Variants in PTH1R observed in about 807,000 individuals in gnomAD.
PTH1R encodes the protein parathyroid hormone/parathyroid hormone-related peptide receptor.
Under a neutral mutation model 70.7 loss-of-function variants are expected in PTH1R, and 32 were observed. The ratio of observed to expected loss-of-function variants is 0.45; its 90% confidence interval spans 0.34 to 0.61. The LOEUF is 0.61. PTH1R is among the 20% of genes least tolerant of loss of function. The pLI, the probability that PTH1R is intolerant of heterozygous loss-of-function variation, is 0.01. For synonymous variants in PTH1R, 329 were observed against 324.8 expected, an observed-to-expected ratio of 1.01 and a Z score of -0.14; for missense variants, 626 against 792.5, an observed-to-expected ratio of 0.79 and a Z score of 2.52.
rs1404381832 is a variant in PTH1R, at chr3:46,895,849, C to T, written c.293C>T (p.Pro98Leu). ...YPESEEDKEA[P>L]TGSRYRGRPC... ...GAGTCTGAGGAGGACAAGGAGGCAC[C>T]CACTGGCAGCAGGTACCGAGGTACG... Residue 98 changes from proline (P) to leucine (L), a missense_variant, in exon 5 of 16, where the codon CCC (proline) becomes CTC (leucine). This residue lies in a region of PTH1R where 8 missense variants were observed against 28.0 expected (regional missense o/e 0.29). Transcript: ENST00000449590. 1 of 1,613,350 alleles carries T rather than the reference C, an allele frequency of 6.2e-7. No homozygotes were observed. The highest frequency in any genetic ancestry group is 1.3e-5 in the African/African-American group (1 of 74,864).
rs1434322169 is a variant in PTH1R, at chr3:46,879,765, C to T, written c.-105-1297C>T. Among the ~76,000 whole-genome samples the T allele has an allele frequency of 6.7e-6, 1 of 149,892 alleles. No individual in the cohort carries two copies. The highest frequency in any genetic ancestry group is 6.6e-5 in the Admixed American group (1 of 15,098). On this transcript the variant is annotated intron_variant, in intron 1 of 15. Coordinates refer to ENST00000449590, the MANE Select transcript of PTH1R (RefSeq NM_000316.3). The surrounding 1 kb of genome is among the most constrained non-coding windows in gnomAD (Gnocchi z 4.7). ...CTGTCTGGGGAAAAAAAAAATGCTGCGTGTGGTGGCTCACGCTTGTAATCT... is the reference window on the plus strand; with the variant it reads ...CTGTCTGGGGAAAAAAAAAATGCTGTGTGTGGTGGCTCACGCTTGTAATCT...
chr3:46,895,982 G>T, intron 5 of PTH1R, 113 bp downstream of exon 5: 1 of 1,377,008 alleles, frequency 7.3e-7, no homozygotes, highest in Non-Finnish European at 1.0e-6. Context: ...AAAGTAAAAG[G>T]CTGCAGCCAC....
At chr3:46,897,751 AAAAC>A (rs2031836856) in intron 5 of PTH1R, 100 bp from the exon 6 acceptor site, 8 of 1,132,438 alleles carry the variant, frequency 7.1e-6, no homozygotes, top group South Asian at 3.9e-5. Context: ...AAACAAAACA[AAAAC>A]AAAAACAAAC....
At chr3:46,899,021 G>A (rs2031948502) in intron 9 of PTH1R, among the ~76,000 whole-genome samples, 164 bp downstream of exon 9, 1 of 152,130 alleles carries the variant, frequency 6.6e-6, no homozygotes, top group South Asian at 2.1e-4. Context: ...CCTCAGCTCT[G>A]CCGCCGACCC....
chr3:46,883,284 G>GCGCCCGCCCGC lies in PTH1R; in HGVS notation c.-48-217_-48-207dup, dbSNP rs1322487749. 2 of 277,766 alleles carry GCGCCCGCCCGC rather than the reference G, an allele frequency of 7.2e-6. No homozygotes were observed. Among genetic ancestry groups the GCGCCCGCCCGC allele is most frequent in the African/African-American group, 2.2e-5 (1 of 44,672 alleles). The allele number at this position is 277,766 out of a possible 1,614,324, so 17.2% of individuals were successfully genotyped here. ...CAGACGGGCCGCTCCGCAGCGCTCG[G>GCGCCCGCCCGC]CGCCCGCCCGCCGCCCGCCCGGCCT... On this transcript the variant is annotated intron_variant, in intron 2 of 15. Transcript: ENST00000449590. This position sits in a 1 kb window ranked among gnomAD's most constrained non-coding sequence, Gnocchi z 6.4.
rs1178258230 is a variant in PTH1R at position 46,895,074 on chromosome 3, AC to A, written c.179-660del. ...GGGAGACCTTGTCTCAAAAAAAAAA[AC>A]AAAAAAAACAAACAAACAAAAAAAA... On this transcript the variant is annotated intron_variant, in intron 4 of 15. Coordinates refer to ENST00000449590, the MANE Select transcript of PTH1R (RefSeq NM_000316.3). Among the ~76,000 whole-genome samples, 948 of 106,276 alleles carry A rather than the reference AC, an allele frequency of 8.9e-3. 43 individuals carry two copies. Among genetic ancestry groups the A allele is most frequent in the Non-Finnish European group, 0.013 (577 of 43,560 alleles). 69.7% of individuals were successfully genotyped at this position (106,276 alleles called of 152,430 possible). A position where few individuals can be genotyped will look rare whatever the true frequency, so the allele number is the denominator to read the frequency against.
chr3:46,902,876 C>T lies in PTH1R; in HGVS notation c.1395+86C>T. 1 of 1,556,120 alleles carries T rather than the reference C, an allele frequency of 6.4e-7. No homozygotes were observed. The highest frequency in any genetic ancestry group is 1.1e-5 in the South Asian group (1 of 89,728). ...AAGGCTCATTTCTCCATTCTTCCAC[C>T]CTGTTATTTCTTTGTTCCTCCAAGA... On this transcript the variant is annotated intron_variant, in intron 15 of 15. Transcript: ENST00000449590. This position sits in a 1 kb window ranked among gnomAD's most constrained non-coding sequence, Gnocchi z 5.4.
At chr3:46,887,111 G>A (rs528489331) in intron 3 of PTH1R, among the ~76,000 whole-genome samples, 7 of 152,016 alleles carry the variant, frequency 4.6e-5, no homozygotes, top group African/African-American at 7.2e-5. Flanking sequence ...GTGGTGGTAC[G>A]TGCCTGTAAT....
rs373439671 is a variant in PTH1R, at chr3:46,892,345, C to G, written c.76-1562C>G. On this transcript the variant is annotated intron_variant, in intron 3 of 15. Coordinates refer to ENST00000449590, the MANE Select transcript of PTH1R (RefSeq NM_000316.3). This position sits in a 1 kb window ranked among gnomAD's most constrained non-coding sequence, Gnocchi z 5.2. ...CCCTATGCCCAGAAATACATGTGCA[C>G]GTGCATGCTCACAAACACGTCCGGC... Among the ~76,000 whole-genome samples the G allele has an allele frequency of 6.5e-4, 99 of 152,346 alleles. No individual in the cohort carries two copies. The highest frequency in any genetic ancestry group is 2.3e-3 in the African/African-American group (94 of 41,576).
In PTH1R at chr3:46,902,537, A is replaced by G; in HGVS notation, c.1223A>G (p.Lys408Arg). The stretch of plus-strand genomic sequence containing the variant: ...CCCCGCTGGCCCAGGAAGCTGCTCA[A>G]ATCCACGCTGGTGCTCATGCCCCTC... ...DTRQQYRKLL[K>R]STLVLMPLFG... Residue 408 changes from lysine (K) to arginine (R), a missense_variant, in exon 14 of 16, where the codon AAA becomes AGA. This residue lies in a region of PTH1R where 495 missense variants were observed against 638.7 expected (regional missense o/e 0.77). Coordinates refer to ENST00000449590, the MANE Select transcript of PTH1R (RefSeq NM_000316.3). The surrounding 1 kb of genome is among the most constrained non-coding windows in gnomAD (Gnocchi z 5.4). 6.2e-7 allele frequency: 1 copy of G among 1,611,904 alleles called. No individual in the cohort carries two copies. Among genetic ancestry groups the G allele is most frequent in the Non-Finnish European group, 8.5e-7 (1 of 1,179,646 alleles).
rs2032177020 is a variant in PTH1R at position 46,902,356 on chromosome 3, A to C, written c.1212-170A>C. Among the ~76,000 whole-genome samples, 1 of 152,180 alleles carries C rather than the reference A, an allele frequency of 6.6e-6. No homozygotes were observed. The highest frequency in any genetic ancestry group is 2.4e-5 in the African/African-American group (1 of 41,430). The stretch of plus-strand genomic sequence containing the variant: ...CTGAGAACCAACGGGCCCTATTAGC[A>C]CTTAGCCAGGACAGCAGCCATGCAG... On this transcript the variant is annotated intron_variant, in intron 13 of 15. Transcript: ENST00000449590. The surrounding 1 kb of genome is among the most constrained non-coding windows in gnomAD (Gnocchi z 5.4).
intron 10 of PTH1R, among the ~76,000 whole-genome samples, chr3:46,900,489 C>T (rs1025951051): frequency 1.6e-4 from 25 of 152,250 alleles, no homozygotes; most frequent in African/African-American, 5.8e-4. Context: ...CCAAATATAC[C>T]ATGTGCCCCT....
rs2031557288 is a variant in PTH1R at position 46,893,547 on chromosome 3, A to C, written c.76-360A>C. On this transcript the variant is annotated intron_variant, in intron 3 of 15. Transcript: ENST00000449590. This position sits in a 1 kb window ranked among gnomAD's most constrained non-coding sequence, Gnocchi z 5.2. ...CCCCCGACTCATGTCCCCAGCAGGC[A>C]GCCAGGATCCTGTGTGGATCCATCC... 6.6e-6 allele frequency among the ~76,000 whole-genome samples: 1 copy of C among 151,938 alleles called. No homozygotes were observed. The highest frequency in any genetic ancestry group is 1.5e-5 in the Non-Finnish European group (1 of 67,960).
Position 46,901,941 on chromosome 3 carries a change from GC to G in PTH1R, c.1211+85del. The G allele has an allele frequency of 7.2e-7, 1 of 1,388,790 alleles. No individual in the cohort carries two copies. Among genetic ancestry groups the G allele is most frequent in the Non-Finnish European group, 1.0e-6 (1 of 984,802 alleles). The allele number at this position is 1,388,790 out of a possible 1,614,324, so 86.0% of individuals were successfully genotyped here. A position where few individuals can be genotyped will look rare whatever the true frequency, so the allele number is the denominator to read the frequency against. ...ACCATGTACCCCAGGAAAGACAGTGGCCCCATGAATGATCCTGGGGCAAGGG... is the reference window on the plus strand; with the variant it reads ...ACCATGTACCCCAGGAAAGACAGTGGCCCATGAATGATCCTGGGGCAAGGG... On this transcript the variant is annotated intron_variant, in intron 13 of 15. Coordinates refer to ENST00000449590, the MANE Select transcript of PTH1R (RefSeq NM_000316.3). The surrounding 1 kb of genome is among the most constrained non-coding windows in gnomAD (Gnocchi z 7.3).
chr3:46,899,521 C>T, intron 10 of PTH1R, 65 bp downstream of exon 10: 1 of 1,569,712 alleles, frequency 6.4e-7, no homozygotes, highest in Non-Finnish European at 8.6e-7. Context: ...AGGGAGAGGG[C>T]AGCCCCTGGG....
At chr3:46,890,861 C>T (rs2031375658) in intron 3 of PTH1R, among the ~76,000 whole-genome samples, 1 of 152,178 alleles carries the variant, frequency 6.6e-6, no homozygotes, top group African/African-American at 2.4e-5. Flanking sequence ...GGTTAAGCAA[C>T]TTTCTCAGAC....
chr3:46,878,296 C>T (rs536100795), intron 1 of PTH1R, among the ~76,000 whole-genome samples: 49 of 152,332 alleles, frequency 3.2e-4, no homozygotes, highest in African/African-American at 1.1e-3. Flanking sequence ...TCACTTATGG[C>T]CTAGCCATCC....
At chr3:46,888,907 A>G (rs1009244338) in intron 3 of PTH1R, among the ~76,000 whole-genome samples, 3 of 147,048 alleles carry the variant, frequency 2.0e-5, no homozygotes, top group Non-Finnish European at 4.5e-5. Context: ...CTTCCCCCCC[A>G]GCCCCTCCCA....
rs916897405 is a variant in PTH1R at position 46,884,796 on chromosome 3, C to T, written c.75+1162C>T. On this transcript the variant is annotated intron_variant, in intron 3 of 15. Coordinates refer to ENST00000449590, the MANE Select transcript of PTH1R (RefSeq NM_000316.3). This position sits in a 1 kb window ranked among gnomAD's most constrained non-coding sequence, Gnocchi z 4.8. ...TGTGTAAGCCTGGGCTGTCCTTCTC[C>T]GTGCCTCAGTTGCCCCATCTGTAAA... 5.3e-5 allele frequency among the ~76,000 whole-genome samples: 8 copies of T among 152,184 alleles called. No homozygotes were observed. The highest frequency in any genetic ancestry group is 2.6e-4 in the Admixed American group (4 of 15,288).
Sources: gnomAD v4.1 joint callset for allele counts (sites outside exome capture counted in the v4.1 genomes callset) on GRCh38, gnomAD v4.1.1 for gene constraint, gnomAD v4.1.1 regional missense constraint, Gnocchi (gnomAD v3.1) non-coding constraint, MANE v1.5 for transcripts, NCBI Gene and HGNC (gene_info 2026-07-23, HGNC 2026-07-21) for gene names.